ENPP2: variants seen among roughly 807,000 people sequenced by gnomAD.
ENPP2 encodes the protein autotaxin.
A neutral mutation model predicts 120.2 loss-of-function variants in ENPP2; 51 were observed. The ratio of observed to expected loss-of-function variants is 0.42; its 90% confidence interval spans 0.34 to 0.54. The LOEUF is 0.54. Ranked by LOEUF, ENPP2 falls within the 20% of genes least tolerant of loss-of-function variation. The pLI, the probability that ENPP2 is intolerant of heterozygous loss-of-function variation, is 0.04. For missense variants in ENPP2, 920 were observed against 1,066.5 expected, an observed-to-expected ratio of 0.86 and a Z score of 1.91; for synonymous variants, 365 against 366.4, an observed-to-expected ratio of 1.00 and a Z score of 0.04.
chr8:119,566,944 T>G (rs2130020776), intron 22 of ENPP2, among the ~76,000 whole-genome samples: 1 of 152,314 alleles, frequency 6.6e-6, no homozygotes, highest in East Asian at 1.9e-4. Context: ...AAACCTTCGT[T>G]TACTAACTAG....
chr8:119,604,385 A>C (rs1814544632), intron 9 of ENPP2, among the ~76,000 whole-genome samples: 1 of 152,172 alleles, frequency 6.6e-6, no homozygotes, highest in African/African-American at 2.4e-5. Flanking sequence ...GGAGTTCTAG[A>C]TTATCTTTAT....
chr8:119,572,229 C>A (rs1355472447), intron 19 of ENPP2: 18 of 1,554,648 alleles, frequency 1.2e-5, no homozygotes, highest in Non-Finnish European at 1.6e-5. Flanking sequence ...ATTTCTGCTG[C>A]CTCTGAATTT....
At chr8:119,658,156 A>G (rs932014862) in intron 1 of ENPP2, among the ~76,000 whole-genome samples, 5 of 152,210 alleles carry the variant, frequency 3.3e-5, no homozygotes, top group South Asian at 2.1e-4. Flanking sequence ...TGTGCCAGGT[A>G]TTGTTTTAAA....
At chr8:119,630,503 C>T (rs1318194697) in intron 2 of ENPP2, among the ~76,000 whole-genome samples, 1 of 152,206 alleles carries the variant, frequency 6.6e-6, no homozygotes, top group Admixed American at 6.5e-5. Context: ...TTTCTTACAA[C>T]ATTAATCATT....
chr8:119,588,880 A>T (rs1169083968), intron 13 of ENPP2, among the ~76,000 whole-genome samples: 1 of 152,216 alleles, frequency 6.6e-6, no homozygotes, highest in Non-Finnish European at 1.5e-5. Flanking sequence ...GCAGGCTAAC[A>T]GTCCTCATTT....
intron 2 of ENPP2, among the ~76,000 whole-genome samples, chr8:119,637,030 G>T: frequency 6.6e-6 from 1 of 151,992 alleles, no homozygotes; most frequent in East Asian, 1.9e-4. Context: ...GTTTTAGCCA[G>T]AGTAATATAT....
At chr8:119,568,475 CA>C (rs1486044921) in intron 21 of ENPP2, among the ~76,000 whole-genome samples, 1 of 151,470 alleles carries the variant, frequency 6.6e-6, no homozygotes, top group Non-Finnish European at 1.5e-5. Flanking sequence ...GAGCCATTTA[CA>C]ATGTTTTTTT....
chr8:119,600,707 C>G lies in ENPP2; in HGVS notation c.943G>C (p.Gly315Arg). The G allele has an allele frequency of 6.2e-7, 1 of 1,613,106 alleles. No individual in the cohort carries two copies. The highest frequency in any genetic ancestry group is 8.5e-7 in the Non-Finnish European group (1 of 1,179,196). ...GGGCCGAAAGGGCCATATTTGTGTC[C>G]AGAGAAATCAGGTTGCTCAGAATAG... is the stretch of plus-strand genomic sequence containing the variant. ...AFYSEQPDFS[G>R]HKYGPFGPEM... The change falls in exon 11 of 25, where the codon GGA becomes CGA. Residue 315 changes from glycine to arginine, a missense_variant. Physicochemically the swap from Gly to Arg is moderately radical, Grantham distance 125 (BLOSUM62 -2). Coordinates refer to ENST00000075322, the MANE Select transcript of ENPP2 (RefSeq NM_001040092.3).
intron 2 of ENPP2, among the ~76,000 whole-genome samples, chr8:119,630,465 C>T (rs1037048626): frequency 3.9e-5 from 6 of 152,154 alleles, no homozygotes; most frequent in African/African-American, 1.4e-4. Flanking sequence ...TTTAATCTTT[C>T]TTCACTCATT....
chr8:119,565,988 T>G (rs1814394264), intron 22 of ENPP2, among the ~76,000 whole-genome samples: 1 of 152,198 alleles, frequency 6.6e-6, no homozygotes, highest in African/African-American at 2.4e-5. Flanking sequence ...TCTGTGACTT[T>G]ACTTCCTACC....
At chr8:119,658,084 A>T (rs1267972903) in intron 1 of ENPP2, among the ~76,000 whole-genome samples, 1 of 152,230 alleles carries the variant, frequency 6.6e-6, no homozygotes, top group Non-Finnish European at 1.5e-5. Flanking sequence ...TTTTGTTAAG[A>T]TTTAGTGAAA....
At chr8:119,605,466 A>ATT (rs1276076880) in intron 9 of ENPP2, among the ~76,000 whole-genome samples, 149 of 65,924 alleles carry the variant, frequency 2.3e-3, no homozygotes, top group African/African-American at 8.7e-3. Context: ...GTGTGTGTGT[A>ATT]TTTTTTTTTT....
Position 119,620,095 on chromosome 8 carries a change from G to A in ENPP2, c.419-791C>T, listed in dbSNP as rs865852917. ...AATAAGACTCTAACTACTGGACAAT[G>A]GGGTAACTATTATGCTCCTTAAAAT... On this transcript the variant is annotated intron_variant, in intron 4 of 24. Coordinates refer to ENST00000075322, the MANE Select transcript of ENPP2 (RefSeq NM_001040092.3). Among the ~76,000 whole-genome samples the A allele has an allele frequency of 7.4e-4, 113 of 152,216 alleles. 1 individual carries two copies. The highest frequency in any genetic ancestry group is 2.6e-3 in the African/African-American group (107 of 41,544).
At chr8:119,606,129 T>C (rs754038622) in intron 9 of ENPP2, among the ~76,000 whole-genome samples, 1 of 147,408 alleles carries the variant, frequency 6.8e-6, no homozygotes, top group Non-Finnish European at 1.5e-5. Flanking sequence ...ATATATTCTC[T>C]TAACTAACTG....
At chr8:119,586,455 T>C in intron 14 of ENPP2, 142 bp from the exon 15 acceptor site, 1 of 683,864 alleles carries the variant, frequency 1.5e-6, no homozygotes, top group Non-Finnish European at 2.5e-6. Flanking sequence ...TTCTATTAAA[T>C]AATGTATGCT....
At chr8:119,624,812 G>A (rs72688231) in intron 3 of ENPP2, among the ~76,000 whole-genome samples, 7,923 of 152,208 alleles carry the variant, frequency 0.052, 287 homozygotes, top group Non-Finnish European at 0.079. Context: ...AGTTATCAAA[G>A]TTTCGCTGAA....
chr8:119,613,046 C>T (rs1489417206), intron 8 of ENPP2, among the ~76,000 whole-genome samples: 1 of 152,184 alleles, frequency 6.6e-6, no homozygotes, highest in Non-Finnish European at 1.5e-5. Flanking sequence ...GAATCCCATT[C>T]ATTCCTCCCA....
intron 3 of ENPP2, 123 bp downstream of exon 3, chr8:119,626,442 A>C (rs1188581244): frequency 4.4e-6 from 3 of 676,120 alleles, no homozygotes; most frequent in South Asian, 2.0e-5. Context: ...ATCATTCAAC[A>C]AACAAAACTA....
intron 23 of ENPP2, 51 bp from the exon 24 acceptor site, chr8:119,563,064 C>G (rs1431731802): frequency 6.5e-7 from 1 of 1,529,060 alleles, no homozygotes; most frequent in Admixed American, 1.8e-5. Flanking sequence ...GATGTTGAAG[C>G]TTTCTTTTTT....
Sources: gnomAD v4.1 joint callset for allele counts (sites outside exome capture counted in the v4.1 genomes callset) on GRCh38, gnomAD v4.1.1 for gene constraint, MANE v1.5 for transcripts, NCBI Gene and HGNC (gene_info 2026-07-23, HGNC 2026-07-21) for gene names.